The following RGS3 variants were observed in gnomAD, a reference collection of about 807,000 sequenced individuals.
The protein encoded by RGS3 is regulator of G protein signaling 3, also known as regulator of G-protein signalling 3.
In RGS3, 80 loss-of-function variants were observed where a neutral mutation model predicts 132.6. The ratio of observed to expected loss-of-function variants is 0.60; its 90% CI spans 0.50 to 0.73. RGS3 has a LOEUF of 0.73. Among genes scored for constraint, RGS3 ranks in the 30% least tolerant of loss-of-function variants. The pLI is 0.00. For synonymous variants in RGS3, 598 were observed against 620.6 expected, an observed-to-expected ratio of 0.96 and a Z score of 0.54; for missense variants, 1,382 against 1,530.8, an observed-to-expected ratio of 0.90 and a Z score of 1.62.
chr9:113,462,593 C>T (rs1829501921), intron 3 of RGS3, among the ~76,000 whole-genome samples: 1 of 152,194 alleles, frequency 6.6e-6, no homozygotes, highest in African/African-American at 2.4e-5. Flanking sequence ...CTCTGCAAAC[C>T]TTGGGCATGT....
chr9:113,560,453 C>G (rs1223054192), intron 19 of RGS3, among the ~76,000 whole-genome samples: 1 of 152,212 alleles, frequency 6.6e-6, no homozygotes, highest in East Asian at 1.9e-4. Flanking sequence ...TGCCCAGGTG[C>G]TAGGGTCCTA....
chr9:113,476,360 A>G (rs946096870), intron 3 of RGS3, among the ~76,000 whole-genome samples: 7 of 152,156 alleles, frequency 4.6e-5, no homozygotes, highest in Non-Finnish European at 8.8e-5. Context: ...TCTGGCTACA[A>G]AATGAGGAGA....
At chr9:113,451,967 G>A (rs192892720) in intron 1 of RGS3, among the ~76,000 whole-genome samples, 5 of 151,992 alleles carry the variant, frequency 3.3e-5, no homozygotes, top group Admixed American at 6.6e-5. Context: ...TTTTTTGCTG[G>A]GTAAAGAATT....
intron 19 of RGS3, among the ~76,000 whole-genome samples, chr9:113,555,793 C>G (rs1833543349): frequency 6.6e-6 from 1 of 152,202 alleles, no homozygotes; most frequent in African/African-American, 2.4e-5. Context: ...TAGCACTATT[C>G]TGTTTTAAGA....
rs951874034 is a variant in RGS3, at chr9:113,463,969, CTGGGAGCAGG to C, written c.415+1771_415+1780del. 7.0e-7 allele frequency: 1 copy of C among 1,422,694 alleles called. No individual in the cohort carries two copies. Among genetic ancestry groups the C allele is most frequent in the African/African-American group, 1.4e-5 (1 of 69,492 alleles). The allele number at this position is 1,422,694 out of a possible 1,614,324, so 88.1% of individuals were successfully genotyped here. ...CAGCCCCTCGTGGTGACAGGGGAGG[CTGGGAGCAGG>C]TGCTCTTTCTATCTAGGGGCACCTT... On this transcript the variant is annotated intron_variant, in intron 3 of 24. Coordinates refer to ENST00000350696, the Ensembl canonical transcript of RGS3. This position sits in a 1 kb window ranked among gnomAD's most constrained non-coding sequence, Gnocchi z 4.6.
intron 19 of RGS3, chr9:113,582,853 A>G (rs1453210948): frequency 6.4e-6 from 1 of 156,242 alleles, no homozygotes; most frequent in African/African-American, 2.4e-5. Context: ...CCAGGTGTGG[A>G]CAATATTTTA....
chr9:113,480,636 G>A lies in RGS3; in HGVS notation c.466+1095G>A, dbSNP rs1287645825. 3.3e-5 allele frequency among the ~76,000 whole-genome samples: 5 copies of A among 152,198 alleles called. No individual in the cohort carries two copies. The East Asian group carries it at 9.6e-4, about 29-fold the overall frequency. On this transcript the variant is annotated intron_variant, in intron 4 of 24. Transcript: ENST00000350696. ...ATGCCCACACGGTATCCTGAAGGAG[G>A]AATGGGCCTGAGCCAGGCAAAGAGG...
intron 21 of RGS3, chr9:113,593,890 C>T (rs1405097537): frequency 6.4e-7 from 1 of 1,564,660 alleles, no homozygotes; most frequent in Admixed American, 1.8e-5. Context: ...TGACTTGTCC[C>T]CCACCCCCCA....
intron 6 of RGS3, among the ~76,000 whole-genome samples, 162 bp downstream of exon 4, chr9:113,484,394 TCTCA>T (rs1357066918): frequency 6.6e-6 from 1 of 151,476 alleles, no homozygotes; most frequent in Non-Finnish European, 1.5e-5. Context: ...GTCTTTGTTT[TCTCA>T]CTCACTTGTG....
intron 19 of RGS3, among the ~76,000 whole-genome samples, chr9:113,566,713 C>T (rs1564579577): frequency 6.6e-6 from 1 of 152,246 alleles, no homozygotes; most frequent in East Asian, 1.9e-4. Context: ...CACAGCGATG[C>T]TTGAAAACTT....
rs567218345 is a variant in RGS3 at position 113,486,597 on chromosome 9, T to C, written c.689+904T>C. ...CCCACTGTTAGCGGCAGTGGCTCAT[T>C]TGGCTGGTGCAGCCTAAGGAATCTG... is the stretch of plus-strand genomic sequence containing the variant. On this transcript the variant is annotated intron_variant, in intron 7 of 24. Coordinates refer to ENST00000350696, the Ensembl canonical transcript of RGS3. 1.3e-4 allele frequency among the ~76,000 whole-genome samples: 20 copies of C among 152,316 alleles called. 1 individual carries two copies. The highest frequency in any genetic ancestry group is 1.0e-3 in the Admixed American group (16 of 15,306).
intron 19 of RGS3, 71 bp from the exon 18 acceptor site, chr9:113,583,379 G>A: frequency 6.4e-7 from 1 of 1,553,760 alleles, no homozygotes; most frequent in Non-Finnish European, 8.7e-7. Context: ...TTTCATGTCA[G>A]CTCATGCATG....
chr9:113,593,894 C>T, intron 21 of RGS3: 5 of 1,564,806 alleles, frequency 3.2e-6, no homozygotes, highest in Non-Finnish European at 4.3e-6. Flanking sequence ...TTGTCCCCCA[C>T]CCCCCACCAC....
At chr9:113,523,586 G>A (rs1218935921) in intron 17 of RGS3, among the ~76,000 whole-genome samples, 1 of 152,182 alleles carries the variant, frequency 6.6e-6, no homozygotes, top group Non-Finnish European at 1.5e-5. Context: ...CGGAGCCCAA[G>A]CCGCTGGGGC....
chr9:113,572,562 C>T (rs1834338135), intron 19 of RGS3, among the ~76,000 whole-genome samples: 1 of 152,192 alleles, frequency 6.6e-6, no homozygotes, highest in Non-Finnish European at 1.5e-5. Flanking sequence ...CCCAGCGCTG[C>T]AGGCCCTGAA....
chr9:113,595,615 C>G, exon 24 of RGS3: 1 of 1,614,134 alleles, frequency 6.2e-7, no homozygotes, highest in Non-Finnish European at 8.5e-7. Flanking sequence ...TAGCAGTGTT[C>G]CAAGCCTTCC....
intron 20 of RGS3, among the ~76,000 whole-genome samples, chr9:113,587,471 C>T (rs75391162): frequency 0.015 from 2,250 of 152,258 alleles, 64 homozygotes; most frequent in African/African-American, 0.051. Flanking sequence ...GGCCAAGTTG[C>T]TTCTTTCTCT....
chr9:113,445,946 C>T (rs1172960869), intron 1 of RGS3, among the ~76,000 whole-genome samples: 2 of 152,022 alleles, frequency 1.3e-5, no homozygotes, highest in Admixed American at 6.6e-5. Flanking sequence ...CCCAAAATGC[C>T]GGGATTACAG....
intron 3 of RGS3, 63 bp from the exon 2 acceptor site, chr9:113,479,428 A>G (rs1698671588): frequency 6.8e-7 from 1 of 1,474,450 alleles, no homozygotes; most frequent in Non-Finnish European, 9.5e-7. Flanking sequence ...CCTTTCCTCT[A>G]GTTTTTTCCA....
Sources: gnomAD v4.1 joint callset for allele counts (sites outside exome capture counted in the v4.1 genomes callset) on GRCh38, gnomAD v4.1.1 for gene constraint, Gnocchi (gnomAD v3.1) non-coding constraint, MANE v1.5 for transcripts, NCBI Gene and HGNC (gene_info 2026-07-23, HGNC 2026-07-21) for gene names.